The following SPATA6 variants were observed in gnomAD, a reference collection of about 807,000 sequenced individuals.
SPATA6 encodes spermatogenesis-associated protein 6.
Under a neutral mutation model 65.3 loss-of-function variants are expected in SPATA6, and 56 were observed. The observed-to-expected ratio is 0.86, with a 90% CI of 0.69 to 1.07. The LOEUF (loss-of-function observed/expected upper bound fraction) is 1.07. Ranked by LOEUF, SPATA6 falls within the 50% of genes least tolerant of loss-of-function variation. The probability of loss-of-function intolerance (pLI) is 0.00; values close to 1 mark genes in which losing one functional copy is unlikely to be tolerated. For missense variants in SPATA6, 590 were observed against 594.8 expected (o/e 0.99, Z 0.08); for synonymous variants, 199 against 213.2 (o/e 0.93, Z 0.58).
In SPATA6 at chr1:48,399,541, C is replaced by T. The variant is rs1650954215; in HGVS notation, c.590G>A (p.Ser197Asn). 1 of 1,613,076 alleles carries T rather than the reference C, an allele frequency of 6.2e-7. No homozygotes were observed. Among genetic ancestry groups the T allele is most frequent in the African/African-American group, 1.3e-5 (1 of 74,944 alleles). Reference protein sequence around the residue: ...QKKKSKSPERSKYCINAKNYE... With the variant: ...QKKKSKSPERNKYCINAKNYE... ...GTTTTTTGCATTTATACAGTATTTA[C>T]TTCTCTCAGGTGACTTGGATTTTTT... Residue 197 changes from serine to asparagine, a missense_variant, in exon 7 of 13, where the codon AGT becomes AAT. By Grantham distance (46) the Ser-to-Asn change is conservative. Coordinates refer to ENST00000371847, the MANE Select transcript of SPATA6 (RefSeq NM_019073.4).
At chr1:48,434,082 T>G (rs1450940831) in intron 3 of SPATA6, among the ~76,000 whole-genome samples, 1 of 152,192 alleles carries the variant, frequency 6.6e-6, no homozygotes, top group Non-Finnish European at 1.5e-5. Context: ...ATACATTTCC[T>G]AATCACAAGA....
chr1:48,415,182 G>C (rs953217943), intron 3 of SPATA6, among the ~76,000 whole-genome samples: 1 of 152,188 alleles, frequency 6.6e-6, no homozygotes, highest in African/African-American at 2.4e-5. Flanking sequence ...TAATTGTTTT[G>C]AAATGATTAG....
intron 3 of SPATA6, chr1:48,436,979 T>C (rs1379943024): frequency 1.9e-6 from 3 of 1,611,436 alleles, no homozygotes; most frequent in Admixed American, 1.7e-5. Flanking sequence ...TCAAAAACTT[T>C]CTCTCCTGCC....
chr1:48,406,291 CTTCAATTTA>C (rs1651698683), intron 5 of SPATA6, among the ~76,000 whole-genome samples: 1 of 152,144 alleles, frequency 6.6e-6, no homozygotes, highest in Admixed American at 6.6e-5. Flanking sequence ...CTCTTCAGGT[CTTCAATTTA>C]TTAGATCAGG....
At chr1:48,402,113 A>G (rs1203122048) in intron 6 of SPATA6, among the ~76,000 whole-genome samples, 2 of 152,110 alleles carry the variant, frequency 1.3e-5, no homozygotes, top group African/African-American at 4.8e-5. Flanking sequence ...CTTTTCTCTC[A>G]TATCTCTGTT....
chr1:48,384,970 G>C (rs1349084812), intron 9 of SPATA6, among the ~76,000 whole-genome samples: 1 of 152,024 alleles, frequency 6.6e-6, no homozygotes, highest in Non-Finnish European at 1.5e-5. Flanking sequence ...AAAATTATGA[G>C]GGTGCTCTAT....
intron 8 of SPATA6, among the ~76,000 whole-genome samples, chr1:48,393,721 G>C (rs1053700659): frequency 6.6e-6 from 1 of 152,108 alleles, no homozygotes; most frequent in Non-Finnish European, 1.5e-5. Flanking sequence ...TCTGAAGACT[G>C]AAAATTAGAA....
intron 8 of SPATA6, among the ~76,000 whole-genome samples, chr1:48,391,925 G>A (rs1227372311): frequency 6.6e-6 from 1 of 152,052 alleles, no homozygotes. Context: ...AATCTTGTGT[G>A]TATGACTTGG....
Position 48,438,687 on chromosome 1 carries a change from G to A in SPATA6, c.238+12865C>T, listed in dbSNP as rs939616874. 5.3e-5 allele frequency among the ~76,000 whole-genome samples: 8 copies of A among 152,146 alleles called. No individual in the cohort carries two copies. In the East Asian group the frequency reaches 5.8e-4, roughly 11 times the overall value. On this transcript the variant is annotated intron_variant, in intron 3 of 12. Coordinates refer to ENST00000371847, the MANE Select transcript of SPATA6 (RefSeq NM_019073.4). ...TGACCCTTGCCTCCTGGGTTCTAAC[G>A]CCTGTCAGACAAACTTCCTCTCGCC...
intron 11 of SPATA6, among the ~76,000 whole-genome samples, chr1:48,323,131 G>T (rs1194497080): frequency 6.6e-6 from 1 of 152,144 alleles, no homozygotes; most frequent in African/African-American, 2.4e-5. Context: ...CATGTTTACT[G>T]CAGCACTGTT....
Position 48,403,283 on chromosome 1 carries a change from A to C in SPATA6, c.486+519T>G, listed in dbSNP as rs1050308003. The stretch of plus-strand genomic sequence containing the variant: ...GATGATCCTTAGGCTGGAATGTCCA[A>C]GATTCTCTTGATCTGGCAGTACCAG... On this transcript the variant is annotated intron_variant, in intron 6 of 12. Coordinates refer to ENST00000371847, the MANE Select transcript of SPATA6 (RefSeq NM_019073.4). 4.6e-5 allele frequency among the ~76,000 whole-genome samples: 7 copies of C among 152,324 alleles called. No homozygotes were observed. The East Asian group carries it at 1.3e-3, about 29-fold the overall frequency.
chr1:48,277,242 C>A, the SPATA6 span, among the ~76,000 whole-genome samples: 1 of 152,040 alleles, frequency 6.6e-6, no homozygotes. Context: ...CAGTTTCCAG[C>A]GTGAGCGATG....
In SPATA6 at chr1:48,392,647, A is replaced by G. The variant is rs148754434; in HGVS notation, c.868+2620T>C. ...CTCTAAACCGCTGCCATTTTTCTCA[A>G]ATATAATTAAATCCATCTTCACTTG... On this transcript the variant is annotated intron_variant, in intron 8 of 12. Coordinates refer to ENST00000371847, the MANE Select transcript of SPATA6 (RefSeq NM_019073.4). Among the ~76,000 whole-genome samples the G allele has an allele frequency of 1.5e-3, 222 of 152,236 alleles. No homozygotes were observed. In the East Asian group the frequency reaches 0.034, roughly 24 times the overall value.
At chr1:48,411,668 A>ACT (rs1652248068) in intron 4 of SPATA6, 80 bp from the exon 5 acceptor site, 1 of 1,215,558 alleles carries the variant, frequency 8.2e-7, no homozygotes, top group Admixed American at 3.2e-5. Context: ...TGATATATCT[A>ACT]CTGCCTGATG....
In SPATA6 at chr1:48,399,552, T is replaced by C. The variant is rs1023820226; in HGVS notation, c.579A>G (p.Ser193=). 2 of 1,612,962 alleles carry C rather than the reference T, an allele frequency of 1.2e-6. No homozygotes were observed. Among genetic ancestry groups the C allele is most frequent in the African/African-American group, 2.7e-5 (2 of 74,832 alleles). ...TSRSQKKKSK[S]PERSKYCINA... ...TTATACAGTATTTACTTCTCTCAGG[T>C]GACTTGGATTTTTTCTTTTGTGATC... The change falls in exon 7 of 13, where the codon TCA becomes TCG. Residue 193 remains serine, a synonymous_variant. Coordinates refer to ENST00000371847, the MANE Select transcript of SPATA6 (RefSeq NM_019073.4).
At chr1:48,442,126 A>G (rs952244158) in intron 3 of SPATA6, among the ~76,000 whole-genome samples, 1 of 152,192 alleles carries the variant, frequency 6.6e-6, no homozygotes. Context: ...TCATTTGTGG[A>G]GAATGGGATA....
At chr1:48,354,849 G>T (rs762186437) in intron 11 of SPATA6, among the ~76,000 whole-genome samples, 1 of 152,094 alleles carries the variant, frequency 6.6e-6, no homozygotes, top group Non-Finnish European at 1.5e-5. Flanking sequence ...TAGTTTACAT[G>T]AGACTGTTAA....
intron 7 of SPATA6, among the ~76,000 whole-genome samples, chr1:48,398,780 C>G (rs1218515104): frequency 1.3e-5 from 2 of 151,714 alleles, no homozygotes; most frequent in Non-Finnish European, 3.0e-5. Context: ...CTCTAAATTT[C>G]AACTATATCA....
the SPATA6 span, among the ~76,000 whole-genome samples, chr1:48,283,678 C>CAAA: frequency 3.3e-5 from 2 of 60,824 alleles, no homozygotes; most frequent in African/African-American, 1.2e-4. Context: ...GACTCCGTCT[C>CAAA]AAAAAAAAAA....
Sources: gnomAD v4.1 joint callset for allele counts (sites outside exome capture counted in the v4.1 genomes callset) on GRCh38, gnomAD v4.1.1 for gene constraint, MANE v1.5 for transcripts, NCBI Gene and HGNC (gene_info 2026-07-23, HGNC 2026-07-21) for gene names.